ANAPC5: variants seen among roughly 807,000 people sequenced by gnomAD.
The protein encoded by ANAPC5 is anaphase promoting complex subunit 5.
ANAPC5 carries 60 observed loss-of-function variants against 91.3 expected under a neutral mutation model. That is an observed-to-expected ratio of 0.66 (90% confidence interval 0.53 to 0.81). ANAPC5 has a LOEUF of 0.81. Ranked by LOEUF, ANAPC5 falls within the 40% of genes least tolerant of loss-of-function variation. The pLI, the probability that ANAPC5 is intolerant of heterozygous loss-of-function variation, is 0.00. For synonymous variants in ANAPC5, 340 were observed against 364.1 expected (o/e 0.93, Z 0.75); for missense variants, 690 against 931.5 (o/e 0.74, Z 3.37).
chr12:121,326,426 A>G (rs1433489118), intron 11 of ANAPC5: 1 of 152,228 alleles, frequency 6.6e-6, no homozygotes, highest in Admixed American at 6.5e-5. Context: ...GATATTTTGA[A>G]TAAAGGGAAG....
chr12:121,329,907 G>A (rs782626145), intron 9 of ANAPC5, among the ~76,000 whole-genome samples: 1 of 152,058 alleles, frequency 6.6e-6, no homozygotes, highest in South Asian at 2.1e-4. Flanking sequence ...GAGCCACCAC[G>A]CCCAGCCAGA....
intron 4 of ANAPC5, among the ~76,000 whole-genome samples, chr12:121,343,985 T>C (rs1169225353): frequency 2.0e-5 from 3 of 152,190 alleles, no homozygotes; most frequent in Non-Finnish European, 4.4e-5. Context: ...CAATCTCAGA[T>C]AACAGTAGTT....
intron 5 of ANAPC5, among the ~76,000 whole-genome samples, chr12:121,338,693 CT>C (rs2136802594): frequency 6.6e-6 from 1 of 152,220 alleles, no homozygotes; most frequent in South Asian, 2.1e-4. Flanking sequence ...AAACAAAAAT[CT>C]TCTGCAATCT....
At chr12:121,350,191 T>C (rs1344181480) in intron 1 of ANAPC5, among the ~76,000 whole-genome samples, 1 of 152,086 alleles carries the variant, frequency 6.6e-6, no homozygotes, top group Non-Finnish European at 1.5e-5. Context: ...CACCCACAAA[T>C]ACAAGTGATA....
At chr12:121,321,931 T>C (rs868411063) in intron 11 of ANAPC5, among the ~76,000 whole-genome samples, 2 of 151,666 alleles carry the variant, frequency 1.3e-5, no homozygotes, top group African/African-American at 4.8e-5. Context: ...AGTGGCATGA[T>C]CTCAGCTCAC....
At chr12:121,309,126 G>C (rs1486719846) in intron 16 of ANAPC5, among the ~76,000 whole-genome samples, 3 of 135,606 alleles carry the variant, frequency 2.2e-5, no homozygotes, top group Admixed American at 8.0e-5. Flanking sequence ...TCCAGCCTGG[G>C]CGACAGAGTG....
chr12:121,346,725 T>C (rs1277818112), intron 3 of ANAPC5, 171 bp downstream of exon 3: 2 of 446,638 alleles, frequency 4.5e-6, no homozygotes, highest in Non-Finnish European at 3.9e-6. Context: ...TTTTCCACAG[T>C]TAATGATTTA....
rs782502769 is a variant in ANAPC5, at chr12:121,331,429, C to G, written c.951-1G>C. On this transcript the variant is annotated splice_acceptor_variant, in intron 7 of 16. Transcript: ENST00000261819. LOFTEE classifies it high-confidence loss of function. ...CTGCAGGGCGAGCTCTGCCTGTTGACTAATGACAGACTAAACATTAATATC... is the reference window on the plus strand; with the variant it reads ...CTGCAGGGCGAGCTCTGCCTGTTGAGTAATGACAGACTAAACATTAATATC... The G allele has an allele frequency of 4.4e-6, 7 of 1,606,718 alleles. No individual in the cohort carries two copies. The East Asian group carries it at 1.3e-4, about 31-fold the overall frequency.
chr12:121,312,334 C>T (rs2948124), intron 15 of ANAPC5, among the ~76,000 whole-genome samples: 5 of 152,072 alleles, frequency 3.3e-5, no homozygotes, highest in East Asian at 3.9e-4. Flanking sequence ...GAGGCTGAGG[C>T]GGGTGGATCA....
chr12:121,317,275 TG>T, intron 15 of ANAPC5, among the ~76,000 whole-genome samples: 1 of 150,270 alleles, frequency 6.7e-6, no homozygotes, highest in South Asian at 2.1e-4. Context: ...TTTTTTGAGA[TG>T]GAGTCTCGCT....
rs781948328 is a variant in ANAPC5, at chr12:121,352,380, C to T, written c.-40G>A. 5.2e-6 allele frequency: 8 copies of T among 1,537,112 alleles called. No individual in the cohort carries two copies. Among genetic ancestry groups the T allele is most frequent in the Non-Finnish European group, 6.2e-6 (7 of 1,126,696 alleles). On this transcript the variant is annotated 5_prime_UTR_variant, in exon 1 of 17. Transcript: ENST00000261819. ...AAGTCTCGGGCCCGCGGCGCGCTGCCGCCAGTTGTCACCACAAGGCACAAC... is the reference window on the plus strand; with the variant it reads ...AAGTCTCGGGCCCGCGGCGCGCTGCTGCCAGTTGTCACCACAAGGCACAAC...
At chr12:121,338,456 G>A (rs538327448) in intron 5 of ANAPC5, among the ~76,000 whole-genome samples, 1 of 152,128 alleles carries the variant, frequency 6.6e-6, no homozygotes, top group South Asian at 2.1e-4. Flanking sequence ...GGGTGTGGTG[G>A]CGCACACCTG....
rs1351782834 is a variant in ANAPC5 at position 121,319,715 on chromosome 12, C to T, written c.1619G>A (p.Ser540Asn). The T allele has an allele frequency of 1.9e-6, 3 of 1,611,052 alleles. No individual in the cohort carries two copies. Among genetic ancestry groups the T allele is most frequent in the South Asian group, 1.1e-5 (1 of 90,358 alleles). The change falls in exon 13 of 17, where the codon AGC becomes AAC. Residue 540 changes from serine (S) to asparagine (N), a missense_variant. Around this residue, in one of 5 missense-constraint regions of ANAPC5, gnomAD observed 317 missense variants for 438.7 expected, o/e 0.72. Transcript: ENST00000261819. ...TTCTTACCTATAAACACCCTCTATG[C>T]TATTGAGAGCTGTGATTCCTGTAAC... ...SLVTGITALN[S>N]IEGVYRKAVV...
Position 121,352,344 on chromosome 12 carries a change from GGCCCGAGACTAAGTCTCGGGCCC to G in ANAPC5, c.-27_-5del. 1 of 1,593,844 alleles carries G rather than the reference GGCCCGAGACTAAGTCTCGGGCCC, an allele frequency of 6.3e-7. No individual in the cohort carries two copies. Among genetic ancestry groups the G allele is most frequent in the Non-Finnish European group, 8.6e-7 (1 of 1,166,204 alleles). ...GGCTCTCGTGGACGCTGGCCATGGC[GGCCCGAGACTAAGTCTCGGGCCC>G]GCGGCGCGCTGCCGCCAGTTGTCAC... On this transcript the variant is annotated 5_prime_UTR_variant, in exon 1 of 17. Transcript: ENST00000261819.
At chr12:121,343,830 G>A (rs544304725) in intron 4 of ANAPC5, among the ~76,000 whole-genome samples, 2 of 152,194 alleles carry the variant, frequency 1.3e-5, no homozygotes, top group Admixed American at 6.5e-5. Context: ...CTTAGGGCAG[G>A]TGGGGCTTAA....
At chr12:121,343,288 T>A (rs1903532024) in intron 4 of ANAPC5, among the ~76,000 whole-genome samples, 1 of 152,234 alleles carries the variant, frequency 6.6e-6, no homozygotes. Context: ...CACTGTAGCC[T>A]AGAAGCATTT....
Position 121,335,533 on chromosome 12 carries a change from TAGTGACCGA to T in ANAPC5, c.941_949del (p.Phe314_His316del). ...CAAGGACAAAGGTCTATAAACTTAC[TAGTGACCGA>T]AGCGGCAGTGCAGGGCGGCAAGATT... is the stretch of plus-strand genomic sequence containing the variant. On this transcript the variant is annotated inframe_deletion and splice_region_variant, in exon 7 of 17. Coordinates refer to ENST00000261819, the MANE Select transcript of ANAPC5 (RefSeq NM_016237.5). 1 of 1,598,828 alleles carries T rather than the reference TAGTGACCGA, an allele frequency of 6.3e-7. No individual in the cohort carries two copies. The highest frequency in any genetic ancestry group is 1.1e-5 in the South Asian group (1 of 90,418).
chr12:121,330,935 C>A, intron 8 of ANAPC5: 1 of 449,488 alleles, frequency 2.2e-6, no homozygotes. Context: ...CATGAAGCTC[C>A]CATATGGCCT....
intron 1 of ANAPC5, among the ~76,000 whole-genome samples, chr12:121,349,718 C>A: frequency 9.1e-6 from 1 of 109,844 alleles, no homozygotes. Flanking sequence ...ATCACTGTTT[C>A]TATTTTTTTT....
Sources: gnomAD v4.1 joint callset for allele counts (sites outside exome capture counted in the v4.1 genomes callset) on GRCh38, gnomAD v4.1.1 for gene constraint, gnomAD v4.1.1 regional missense constraint, MANE v1.5 for transcripts, NCBI Gene and HGNC (gene_info 2026-07-23, HGNC 2026-07-21) for gene names.